The following LRRTM3 variants were observed in gnomAD, a reference collection of about 807,000 sequenced individuals.
The protein encoded by LRRTM3 is leucine rich repeat transmembrane neuronal 3, also known as leucine-rich repeat transmembrane neuronal protein 3.
Under a neutral mutation model 44.7 loss-of-function variants are expected in LRRTM3, and 24 were observed. The ratio of observed to expected loss-of-function variants is 0.54; its 90% CI spans 0.39 to 0.76. The LOEUF (loss-of-function observed/expected upper bound fraction) is 0.76. LRRTM3 is among the 30% of genes least tolerant of loss of function. The probability of loss-of-function intolerance (pLI) is 0.00; values close to 1 mark genes in which losing one functional copy is unlikely to be tolerated. For synonymous variants in LRRTM3, 277 were observed against 278.7 expected (o/e 0.99, Z 0.06); for missense variants, 587 against 702.2 (o/e 0.84, Z 1.85).
At chr10:67,030,316 T>C (rs1320568326) in intron 2 of LRRTM3, among the ~76,000 whole-genome samples, 4 of 152,186 alleles carry the variant, frequency 2.6e-5, no homozygotes, top group Non-Finnish European at 5.9e-5. Flanking sequence ...GCAATCTGCA[T>C]ATGCTATCAT....
chr10:67,014,080 AG>A (rs1852507196), intron 2 of LRRTM3, among the ~76,000 whole-genome samples: 1 of 152,202 alleles, frequency 6.6e-6, no homozygotes, highest in Non-Finnish European at 1.5e-5. Context: ...CTTAAAGCAA[AG>A]AATCAACATT....
At chr10:66,936,825 G>A (rs746049754) in intron 2 of LRRTM3, among the ~76,000 whole-genome samples, 9 of 152,158 alleles carry the variant, frequency 5.9e-5, no homozygotes, top group Admixed American at 1.3e-4. Context: ...CAGAGTGAGA[G>A]CAGGATTACT....
chr10:67,067,635 A>G (rs1856174052), intron 2 of LRRTM3, among the ~76,000 whole-genome samples: 1 of 152,206 alleles, frequency 6.6e-6, no homozygotes, highest in South Asian at 2.1e-4. Flanking sequence ...CTTAGAGTAC[A>G]TCCTAGGTAA....
At position 67,048,809 on chromosome 10, in the gene LRRTM3, C is replaced by A. The variant is rs1854907976; in HGVS notation, c.1537-48778C>A. Among the ~76,000 whole-genome samples, 3 of 152,014 alleles carry A rather than the reference C, an allele frequency of 2.0e-5. No individual in the cohort carries two copies. The South Asian group carries it at 6.2e-4, about 32-fold the overall frequency. On this transcript the variant is annotated intron_variant, in intron 2 of 2. Coordinates refer to ENST00000361320, the MANE Select transcript of LRRTM3 (RefSeq NM_178011.5). ...AATTTCCAAGTATTATATCTCATAACATAATAGTAACATGATGTCTCACCG... is the reference window on the plus strand; with the variant it reads ...AATTTCCAAGTATTATATCTCATAAAATAATAGTAACATGATGTCTCACCG...
In LRRTM3 at chr10:66,963,843, CA is replaced by C. The variant is rs201131147; in HGVS notation, c.1536+35393del. 5.6e-4 allele frequency among the ~76,000 whole-genome samples: 54 copies of C among 96,272 alleles called. No individual in the cohort carries two copies. In the East Asian group the frequency reaches 0.033, roughly 59 times the overall value. 63.2% of individuals were successfully genotyped at this position (96,272 alleles called of 152,430 possible). On this transcript the variant is annotated intron_variant, in intron 2 of 2. Transcript: ENST00000361320. ...TGTTGTTTTATCAGTGCATAGACAT[CA>C]ATTTTTTTTTTTTTTTTAAGATGGA...
intron 2 of LRRTM3, among the ~76,000 whole-genome samples, chr10:67,082,266 G>C (rs73256502): frequency 2.0e-5 from 3 of 152,148 alleles, no homozygotes; most frequent in Admixed American, 2.0e-4. Context: ...TTTAACCGCT[G>C]CTTGCTCCCT....
intron 2 of LRRTM3, among the ~76,000 whole-genome samples, chr10:67,059,242 AAAAT>A (rs1484300265): frequency 6.6e-6 from 1 of 152,204 alleles, no homozygotes; most frequent in African/African-American, 2.4e-5. Context: ...CCATTTTCCA[AAAAT>A]AAATACATAG....
chr10:66,959,810 T>C (rs1042838944), intron 2 of LRRTM3, among the ~76,000 whole-genome samples: 1 of 152,140 alleles, frequency 6.6e-6, no homozygotes, highest in East Asian at 1.9e-4. Flanking sequence ...GTAAGAAACT[T>C]TGCTGACACA....
intron 2 of LRRTM3, among the ~76,000 whole-genome samples, chr10:66,960,354 G>C (rs773094717): frequency 1.4e-4 from 22 of 152,096 alleles, no homozygotes; most frequent in Non-Finnish European, 2.8e-4. Context: ...TTATAAGCTT[G>C]ACTACACATC....
chr10:66,968,819 C>T (rs554038228), intron 2 of LRRTM3, among the ~76,000 whole-genome samples: 5 of 152,100 alleles, frequency 3.3e-5, no homozygotes, highest in Admixed American at 2.6e-4. Flanking sequence ...GAGTTTAAGA[C>T]GAGCCTGGCC....
intron 2 of LRRTM3, among the ~76,000 whole-genome samples, chr10:66,946,403 A>G (rs868317820): frequency 1.3e-5 from 2 of 152,164 alleles, no homozygotes; most frequent in African/African-American, 4.8e-5. Flanking sequence ...TTTTGTTGGC[A>G]TATAATATAC....
chr10:67,067,803 T>A (rs1444381739), intron 2 of LRRTM3, among the ~76,000 whole-genome samples: 1 of 152,184 alleles, frequency 6.6e-6, no homozygotes, highest in Non-Finnish European at 1.5e-5. Flanking sequence ...ATGTGCTGGA[T>A]ACAACAGGAT....
rs557786298 is a variant in LRRTM3 at position 66,942,254 on chromosome 10, C to T, written c.1536+13802C>T. 1.4e-4 allele frequency among the ~76,000 whole-genome samples: 22 copies of T among 152,236 alleles called. 1 individual carries two copies. In the South Asian group the frequency reaches 4.1e-3, roughly 29 times the overall value. On this transcript the variant is annotated intron_variant, in intron 2 of 2. Transcript: ENST00000361320. ...ATTCTCACATTAAACACATAAATTG[C>T]CAAGTCTGCAATATATAAAAAATGA...
At chr10:66,936,487 GT>G (rs1847700701) in intron 2 of LRRTM3, among the ~76,000 whole-genome samples, 1 of 151,874 alleles carries the variant, frequency 6.6e-6, no homozygotes, top group Non-Finnish European at 1.5e-5. Flanking sequence ...TTTTTTGGTT[GT>G]TCTGTTTTGT....
chr10:67,082,193 A>T (rs1033578659), intron 2 of LRRTM3, among the ~76,000 whole-genome samples: 1 of 152,008 alleles, frequency 6.6e-6, no homozygotes, highest in Non-Finnish European at 1.5e-5. Context: ...TGGATCTGCT[A>T]CTCCTTCATT....
At chr10:66,948,730 G>A (rs1181751612) in intron 2 of LRRTM3, among the ~76,000 whole-genome samples, 2 of 152,112 alleles carry the variant, frequency 1.3e-5, no homozygotes, top group Non-Finnish European at 2.9e-5. Flanking sequence ...CATATTAAAT[G>A]ATAACAATCT....
rs567094335 is a variant in LRRTM3, at chr10:67,055,150, C to T, written c.1537-42437C>T. ...TTCCACCTCTCCTGCTTCCTACCTA[C>T]GCATCTTTGAGACAGCTGCATAGGC... is the stretch of plus-strand genomic sequence containing the variant. On this transcript the variant is annotated intron_variant, in intron 2 of 2. Transcript: ENST00000361320. 20 of 152,268 alleles carry T rather than the reference C, an allele frequency of 1.3e-4. No individual in the cohort carries two copies. The East Asian group carries it at 1.7e-3, about 13-fold the overall frequency. 9.4% of individuals were successfully genotyped at this position (152,268 alleles called of 1,614,324 possible).
At chr10:67,076,331 T>C (rs1856747614) in intron 2 of LRRTM3, among the ~76,000 whole-genome samples, 1 of 152,252 alleles carries the variant, frequency 6.6e-6, no homozygotes. Context: ...CCTCAAAATA[T>C]GAGTAATCAT....
intron 2 of LRRTM3, among the ~76,000 whole-genome samples, chr10:67,078,137 A>AAC (rs1474422104): frequency 1.3e-5 from 2 of 152,198 alleles, no homozygotes; most frequent in Non-Finnish European, 2.9e-5. Context: ...AATAACCTCT[A>AAC]ACAAAGGTAT....
Sources: allele counts gnomAD v4.1 joint callset (sites outside exome capture counted in the v4.1 genomes callset), GRCh38; gene constraint gnomAD v4.1.1; transcripts MANE v1.5; gene names NCBI Gene and HGNC (gene_info 2026-07-23, HGNC 2026-07-21).